KCNG2: variants seen among roughly 807,000 people sequenced by gnomAD.
The protein encoded by KCNG2 is voltage-gated potassium channel regulatory subunit KCNG2.
In KCNG2, 7 loss-of-function variants were observed where a neutral mutation model predicts 12.3. The observed-to-expected ratio is 0.57, with a 90% CI of 0.32 to 1.07. KCNG2 has a LOEUF of 1.07. Ranked by LOEUF, KCNG2 falls within the 50% of genes least tolerant of loss-of-function variation. The probability of loss-of-function intolerance (pLI) is 0.04; values close to 1 mark genes in which losing one functional copy is unlikely to be tolerated. For missense variants in KCNG2, 703 were observed against 726.0 expected (o/e 0.97, Z 0.36); for synonymous variants, 414 against 351.4 (o/e 1.18, Z -1.99).
chr18:79,814,106 G>A (rs1038322463), intron 1 of KCNG2, among the ~76,000 whole-genome samples: 4 of 152,194 alleles, frequency 2.6e-5, no homozygotes, highest in African/African-American at 9.7e-5. Flanking sequence ...TGACAACACC[G>A]AATGCTGACA....
intron 1 of KCNG2, among the ~76,000 whole-genome samples, chr18:79,838,338 A>G (rs1416930205): frequency 3.9e-5 from 6 of 152,206 alleles, no homozygotes; most frequent in Non-Finnish European, 7.3e-5. Flanking sequence ...ATAAAACTGG[A>G]AATCAATAAT....
intron 1 of KCNG2, chr18:79,816,624 A>C (rs2087530500): frequency 6.6e-6 from 1 of 152,228 alleles, no homozygotes; most frequent in Non-Finnish European, 1.5e-5. Context: ...CATTGAATTA[A>C]AAGGCTATTA....
At position 79,881,640 on chromosome 18, in the gene KCNG2, C is replaced by A. The variant is rs940406535; in HGVS notation, c.624+17349C>A. ...AATCAACGAAGGCCTGCAGTGCTCA[C>A]GCGCTGAAGACTCGGTGTGACTAAG... On this transcript the variant is annotated intron_variant, in intron 3 of 3. Transcript: ENST00000316249. Among the ~76,000 whole-genome samples, 3 of 152,346 alleles carry A rather than the reference C, an allele frequency of 2.0e-5. No homozygotes were observed. In the East Asian group the frequency reaches 5.8e-4, roughly 29 times the overall value.
Position 79,803,750 on chromosome 18 carries a change from G to A in KCNG2, c.-115+5736G>A, listed in dbSNP as rs1411274928. 1.3e-5 allele frequency among the ~76,000 whole-genome samples: 2 copies of A among 152,212 alleles called. No individual in the cohort carries two copies. Among genetic ancestry groups the A allele is most frequent in the Non-Finnish European group, 2.9e-5 (2 of 68,036 alleles). ...CACAGCTCAGCCGGGGCCCTCCTGC[G>A]TCTCCCGACCACAGGCCCCAGTCCC... On this transcript the variant is annotated intron_variant, in intron 1 of 3. Coordinates refer to ENST00000316249, the MANE Select transcript of KCNG2 (RefSeq NM_012283.2). This position sits in a 1 kb window ranked among gnomAD's most constrained non-coding sequence, Gnocchi z 4.5.
intron 1 of KCNG2, among the ~76,000 whole-genome samples, chr18:79,815,152 C>T (rs2087519764): frequency 6.6e-6 from 1 of 152,070 alleles, no homozygotes; most frequent in Non-Finnish European, 1.5e-5. Context: ...CACCAAAATG[C>T]TTATATCCAG....
chr18:79,887,779 G>A (rs1302985849), intron 3 of KCNG2, among the ~76,000 whole-genome samples: 3 of 152,196 alleles, frequency 2.0e-5, no homozygotes, highest in Non-Finnish European at 2.9e-5. Flanking sequence ...ATCGGGGCTC[G>A]GGGGGTGGCT....
chr18:79,879,772 C>G (rs1320315727), intron 3 of KCNG2, among the ~76,000 whole-genome samples: 1 of 152,124 alleles, frequency 6.6e-6, no homozygotes, highest in Non-Finnish European at 1.5e-5. Context: ...TCCCCCAAGG[C>G]TGAATGGAAA....
chr18:79,804,323 T>C (rs2087432799), intron 1 of KCNG2, among the ~76,000 whole-genome samples: 1 of 152,186 alleles, frequency 6.6e-6, no homozygotes, highest in Non-Finnish European at 1.5e-5. Flanking sequence ...CACTGATCAC[T>C]GCATGGGGTA....
chr18:79,847,884 G>A (rs4076307), intron 1 of KCNG2, among the ~76,000 whole-genome samples: 137,810 of 152,264 alleles, frequency 0.91, 64,016 homozygotes, highest in East Asian at 1. Context: ...TTGTGGTCCA[G>A]TTAAGCCACA....
At chr18:79,801,313 C>T (rs375755245) in intron 1 of KCNG2, among the ~76,000 whole-genome samples, 10 of 152,370 alleles carry the variant, frequency 6.6e-5, no homozygotes, top group South Asian at 2.1e-4. Context: ...GTGTGAGAAC[C>T]GGTACCTGTG....
intron 1 of KCNG2, among the ~76,000 whole-genome samples, chr18:79,819,763 T>A (rs539625522): frequency 6.6e-6 from 1 of 152,332 alleles, no homozygotes; most frequent in African/African-American, 2.4e-5. Flanking sequence ...TAGCATGAAT[T>A]CCAACCGCCG....
At chr18:79,850,768 C>G (rs777275077) in intron 1 of KCNG2, among the ~76,000 whole-genome samples, 1 of 152,214 alleles carries the variant, frequency 6.6e-6, no homozygotes, top group Non-Finnish European at 1.5e-5. Flanking sequence ...AGCGTACAGG[C>G]TTCATAGTGT....
At chr18:79,878,504 G>A (rs992671006) in intron 3 of KCNG2, among the ~76,000 whole-genome samples, 1 of 151,762 alleles carries the variant, frequency 6.6e-6, no homozygotes, top group Non-Finnish European at 1.5e-5. Context: ...CCACGTGGCA[G>A]TGTGCGGAGG....
rs1312744692 is a variant in KCNG2, at chr18:79,797,943, CGCCGCGCTCCGCCCCGAGGAG to C, written c.-180_-160del. ...GAGTCCGGGATGCCGGCTCCAGAGA[CGCCGCGCTCCGCCCCGAGGAG>C]GCCGCCGGCCGGGTAAGCGGAGCCC... On this transcript the variant is annotated 5_prime_UTR_variant, in exon 1 of 4. Transcript: ENST00000316249. Among the ~76,000 whole-genome samples, 2 of 151,474 alleles carry C rather than the reference CGCCGCGCTCCGCCCCGAGGAG, an allele frequency of 1.3e-5. No individual in the cohort carries two copies. Among genetic ancestry groups the C allele is most frequent in the Non-Finnish European group, 3.0e-5 (2 of 67,792 alleles).
At chr18:79,838,894 A>T (rs1978378630) in intron 1 of KCNG2, among the ~76,000 whole-genome samples, 1 of 152,252 alleles carries the variant, frequency 6.6e-6, no homozygotes. Context: ...GGAAGAGCAA[A>T]GCAAGTAGAA....
intron 3 of KCNG2, among the ~76,000 whole-genome samples, chr18:79,891,213 A>G (rs895183877): frequency 6.6e-6 from 1 of 151,710 alleles, no homozygotes; most frequent in African/African-American, 2.4e-5. Context: ...CCCTCTAAGC[A>G]TTACTTTTTC....
In KCNG2 at chr18:79,884,165, C is replaced by T. The variant is rs1320708445; in HGVS notation, c.625-14875C>T. ...TCTCTCTGCCAGCACGAAGCCAGAGCTCAGCTCCCCAGCACAGCACAGAAG... is the reference window on the plus strand; with the variant it reads ...TCTCTCTGCCAGCACGAAGCCAGAGTTCAGCTCCCCAGCACAGCACAGAAG... On this transcript the variant is annotated intron_variant, in intron 3 of 3. Transcript: ENST00000316249. This position sits in a 1 kb window ranked among gnomAD's most constrained non-coding sequence, Gnocchi z 5.5. 6.6e-6 allele frequency among the ~76,000 whole-genome samples: 1 copy of T among 152,220 alleles called. No individual in the cohort carries two copies. Among genetic ancestry groups the T allele is most frequent in the Non-Finnish European group, 1.5e-5 (1 of 68,036 alleles).
intron 1 of KCNG2, among the ~76,000 whole-genome samples, chr18:79,832,626 C>G (rs922469203): frequency 6.6e-6 from 1 of 152,144 alleles, no homozygotes; most frequent in African/African-American, 2.4e-5. Flanking sequence ...TTCATGAAAC[C>G]TTGGAACTGG....
chr18:79,828,367 G>GGT (rs567732494), intron 1 of KCNG2, among the ~76,000 whole-genome samples: 1 of 151,552 alleles, frequency 6.6e-6, no homozygotes, highest in Non-Finnish European at 1.5e-5. Context: ...TGTGTGTGCA[G>GGT]GTGTGTGTGT....
Sources: gnomAD v4.1 joint callset for allele counts (sites outside exome capture counted in the v4.1 genomes callset) on GRCh38, gnomAD v4.1.1 for gene constraint, Gnocchi (gnomAD v3.1) non-coding constraint, MANE v1.5 for transcripts, NCBI Gene and HGNC (gene_info 2026-07-23, HGNC 2026-07-21) for gene names.